Variants in MAPK1IP1L observed in about 807,000 individuals in gnomAD.
The protein encoded by MAPK1IP1L is MAPK-interacting and spindle-stabilizing protein-like.
Under a neutral mutation model 18.1 loss-of-function variants are expected in MAPK1IP1L, and 10 were observed. That is an observed-to-expected ratio of 0.55 (90% CI 0.34 to 0.94). The LOEUF is 0.94. Ranked by LOEUF, MAPK1IP1L falls within the 40% of genes least tolerant of loss-of-function variation. The probability of loss-of-function intolerance (pLI) is 0.02; values close to 1 mark genes in which losing one functional copy is unlikely to be tolerated. For missense variants in MAPK1IP1L, 260 were observed against 318.2 expected, an observed-to-expected ratio of 0.82 and a Z score of 1.39; for synonymous variants, 115 against 117.3, an observed-to-expected ratio of 0.98 and a Z score of 0.13.
intron 3 of MAPK1IP1L, among the ~76,000 whole-genome samples, chr14:55,063,631 T>C (rs1275450434): frequency 2.0e-5 from 3 of 152,134 alleles, no homozygotes; most frequent in African/African-American, 7.3e-5. Flanking sequence ...ATTGGGCTTT[T>C]TGTTTTATTA....
Position 55,069,069 on chromosome 14 carries a change from A to T in MAPK1IP1L, c.*4442A>T, listed in dbSNP as rs1466341717. ...GATTGTAGTGTTGATCAGCGCAACA[A>T]TTCAAGTGTGCAAAGTAACAGGATA... On this transcript the variant is annotated 3_prime_UTR_variant, in exon 4 of 4. Transcript: ENST00000395468. 1 of 152,020 alleles carries T rather than the reference A, an allele frequency of 6.6e-6. No homozygotes were observed. The highest frequency in any genetic ancestry group is 1.5e-5 in the Non-Finnish European group (1 of 68,012). The allele number at this position is 152,020 out of a possible 1,614,324, so 9.4% of individuals were successfully genotyped here.
chr14:55,057,710 C>T (rs1390265085), intron 1 of MAPK1IP1L, among the ~76,000 whole-genome samples: 1 of 151,516 alleles, frequency 6.6e-6, no homozygotes, highest in African/African-American at 2.4e-5. Flanking sequence ...GAACCAAGAT[C>T]GCGCCACTGC....
intron 2 of MAPK1IP1L, 50 bp from the exon 3 acceptor site, chr14:55,062,568 C>T (rs2042825830): frequency 4.2e-6 from 6 of 1,441,426 alleles, no homozygotes; most frequent in Middle Eastern, 1.8e-4. Context: ...TAATGGTGTT[C>T]GATGTAACTT....
At chr14:55,053,774 A>G (rs1442186544) in intron 1 of MAPK1IP1L, among the ~76,000 whole-genome samples, 3 of 152,070 alleles carry the variant, frequency 2.0e-5, no homozygotes, top group Non-Finnish European at 2.9e-5. Flanking sequence ...CTCTTTCCTT[A>G]TGGTCCTTAT....
rs1369562636 is a variant in MAPK1IP1L, at chr14:55,063,108, C to T, written c.509C>T (p.Ser170Phe). The change falls in exon 3 of 4, where the codon TCT becomes TTT. Residue 170 changes from serine (S) to phenylalanine (F), a missense_variant. Transcript: ENST00000395468. ...QYPTPNMPYP[S>F]PGPYPAPPPP... is the part of the protein sequence containing the mutation. ...CCTACCCCTAATATGCCATATCCAT[C>T]TCCAGGCCCATATCCCGCTCCTCCT... 1 of 1,613,534 alleles carries T rather than the reference C, an allele frequency of 6.2e-7. No individual in the cohort carries two copies. The highest frequency in any genetic ancestry group is 1.7e-5 in the Admixed American group (1 of 60,030).
At chr14:55,060,820 A>AAAGTACTCCAGGAC (rs1231424140) in intron 1 of MAPK1IP1L, 1 of 152,178 alleles carries the variant, frequency 6.6e-6, no homozygotes, top group Admixed American at 6.5e-5. Context: ...AAAATTGGTA[A>AAAGTACTCCAGGAC]AAGTACTCCA....
chr14:55,056,569 GCTTGATCTCAGCTC>G (rs1056314809), intron 1 of MAPK1IP1L, among the ~76,000 whole-genome samples: 1 of 152,150 alleles, frequency 6.6e-6, no homozygotes, highest in African/African-American at 2.4e-5. Context: ...GAGTGCAGTG[GCTTGATCTCAGCTC>G]ACTGCAAGCT....
rs1007507618 is a variant in MAPK1IP1L at position 55,069,051 on chromosome 14, G to A, written c.*4424G>A. On this transcript the variant is annotated 3_prime_UTR_variant, in exon 4 of 4. Coordinates refer to ENST00000395468, the MANE Select transcript of MAPK1IP1L (RefSeq NM_144578.4). ...GAATTTAATGTTTTTCAAGATTGTAGTGTTGATCAGCGCAACAATTCAAGT... is the reference window on the plus strand; with the variant it reads ...GAATTTAATGTTTTTCAAGATTGTAATGTTGATCAGCGCAACAATTCAAGT... 1 of 151,438 alleles carries A rather than the reference G, an allele frequency of 6.6e-6. No individual in the cohort carries two copies. The highest frequency in any genetic ancestry group is 1.5e-5 in the Non-Finnish European group (1 of 67,942). The allele number at this position is 151,438 out of a possible 1,614,324, so 9.4% of individuals were successfully genotyped here. A position where few individuals can be genotyped will look rare whatever the true frequency, so the allele number is the denominator to read the frequency against.
intron 1 of MAPK1IP1L, among the ~76,000 whole-genome samples, chr14:55,055,252 C>G (rs985103386): frequency 3.3e-5 from 5 of 152,214 alleles, no homozygotes; most frequent in African/African-American, 9.7e-5. Context: ...CAGGTGCACA[C>G]TACCAAGCGC....
At chr14:55,057,366 G>A (rs560977345) in intron 1 of MAPK1IP1L, among the ~76,000 whole-genome samples, 95 of 152,272 alleles carry the variant, frequency 6.2e-4, no homozygotes, top group African/African-American at 2.3e-3. Flanking sequence ...CCTACCCTAG[G>A]TTAATTAATA....
chr14:55,063,816 GTCAGTT>G (rs2042839360), intron 3 of MAPK1IP1L: 2 of 153,416 alleles, frequency 1.3e-5, no homozygotes, highest in South Asian at 4.1e-4. Context: ...ATTCTTTATT[GTCAGTT>G]ACATGTAATG....
In MAPK1IP1L at chr14:55,066,453, A is replaced by T. The variant is rs983064056; in HGVS notation, c.*1826A>T. The T allele has an allele frequency of 1.3e-5, 2 of 152,162 alleles. No individual in the cohort carries two copies. Among genetic ancestry groups the T allele is most frequent in the Non-Finnish European group, 2.9e-5 (2 of 68,024 alleles). The allele number at this position is 152,162 out of a possible 1,614,324, so 9.4% of individuals were successfully genotyped here. On this transcript the variant is annotated 3_prime_UTR_variant, in exon 4 of 4. Transcript: ENST00000395468. ...TGTTAGCTGTCTACAATACTGTTGA[A>T]CTCTGTTGTCAAAGTAGCCCCCTTA...
chr14:55,064,482 G>C, intron 3 of MAPK1IP1L, 134 bp from the exon 4 acceptor site: 1 of 692,114 alleles, frequency 1.4e-6, no homozygotes, highest in African/African-American at 1.8e-5. Context: ...GTTTTGCAAA[G>C]TGTATGCCAG....
rs2042858271 is a variant in MAPK1IP1L, at chr14:55,065,858, A to G, written c.*1231A>G. On this transcript the variant is annotated 3_prime_UTR_variant, in exon 4 of 4. Transcript: ENST00000395468. ...AGGTAAATAAGTGGAGTTGAGTGCC[A>G]TCTTTGAAAAAATTACCCTCTAGCT... 6.6e-6 allele frequency: 1 copy of G among 152,174 alleles called. No homozygotes were observed. The highest frequency in any genetic ancestry group is 1.5e-5 in the Non-Finnish European group (1 of 68,036). The allele number at this position is 152,174 out of a possible 1,614,324, so 9.4% of individuals were successfully genotyped here. A position where few individuals can be genotyped will look rare whatever the true frequency, so the allele number is the denominator to read the frequency against.
rs145749535 is a variant in MAPK1IP1L at position 55,069,924 on chromosome 14, T to A, written c.*5297T>A. ...TTAACTGCTACGCATTTAGTGAGGG[T>A]CACATTATTAAACTTGGAGTTTACC... On this transcript the variant is annotated 3_prime_UTR_variant, in exon 4 of 4. Coordinates refer to ENST00000395468, the MANE Select transcript of MAPK1IP1L (RefSeq NM_144578.4). The A allele has an allele frequency of 6.6e-6, 1 of 152,296 alleles. No homozygotes were observed. Among genetic ancestry groups the A allele is most frequent in the East Asian group, 1.9e-4 (1 of 5,190 alleles). 9.4% of individuals were successfully genotyped at this position (152,296 alleles called of 1,614,324 possible). A position where few individuals can be genotyped will look rare whatever the true frequency, so the allele number is the denominator to read the frequency against.
At chr14:55,055,787 G>T (rs969154672) in intron 1 of MAPK1IP1L, among the ~76,000 whole-genome samples, 10 of 152,028 alleles carry the variant, frequency 6.6e-5, no homozygotes, top group African/African-American at 2.2e-4. Context: ...AAAATTAGCC[G>T]GGCGTGGTGG....
At chr14:55,061,371 A>T (rs1191541389) in intron 1 of MAPK1IP1L, among the ~76,000 whole-genome samples, 1 of 152,178 alleles carries the variant, frequency 6.6e-6, no homozygotes, top group East Asian at 1.9e-4. Flanking sequence ...TCTCACACAC[A>T]AACAAAGAAG....
At chr14:55,063,501 C>T (rs924310167) in intron 3 of MAPK1IP1L, among the ~76,000 whole-genome samples, 176 bp downstream of exon 3, 1 of 152,128 alleles carries the variant, frequency 6.6e-6, no homozygotes, top group Non-Finnish European at 1.5e-5. Flanking sequence ...AGGATGAAAG[C>T]ACTGTTTTAA....
At chr14:55,055,788 G>T (rs1041302767) in intron 1 of MAPK1IP1L, among the ~76,000 whole-genome samples, 1 of 152,010 alleles carries the variant, frequency 6.6e-6, no homozygotes, top group Non-Finnish European at 1.5e-5. Flanking sequence ...AAATTAGCCG[G>T]GCGTGGTGGC....
Sources: gnomAD v4.1 joint callset for allele counts (sites outside exome capture counted in the v4.1 genomes callset) on GRCh38, gnomAD v4.1.1 for gene constraint, MANE v1.5 for transcripts, NCBI Gene and HGNC (gene_info 2026-07-23, HGNC 2026-07-21) for gene names.